SMIM8: variants seen among roughly 807,000 people sequenced by gnomAD.
The protein encoded by SMIM8 is UPF0708 protein C6orf162.
In SMIM8, 8 loss-of-function variants were observed where a neutral mutation model predicts 8.1. That is an observed-to-expected ratio of 0.99 (90% confidence interval 0.58 to 1.78). The LOEUF is 1.78. Ranked by LOEUF, SMIM8 falls within the 40% of genes most tolerant of loss-of-function variation. SMIM8 has a pLI of 0.00. For synonymous variants in SMIM8, 45 were observed against 39.7 expected (o/e 1.13, Z -0.50); for missense variants, 126 against 119.8 (o/e 1.05, Z -0.24).
chr6:87,341,021 A>G lies in SMIM8; in HGVS notation c.*747A>G. On this transcript the variant is annotated 3_prime_UTR_variant, in exon 4 of 4. Transcript: ENST00000392863. ...TGTTATCTATTTTAGTGTTTATGTT[A>G]ATTAATGTTAATTAATTTTGTTTAT... The G allele has an allele frequency of 3.0e-6, 1 of 335,488 alleles. No homozygotes were observed. The highest frequency in any genetic ancestry group is 5.3e-6 in the Non-Finnish European group (1 of 187,814). The allele number at this position is 335,488 out of a possible 1,614,324, so 20.8% of individuals were successfully genotyped here. A position where few individuals can be genotyped will look rare whatever the true frequency, so the allele number is the denominator to read the frequency against.
At position 87,340,161 on chromosome 6, in the gene SMIM8, G is replaced by C. The variant is rs755461432; in HGVS notation, c.181G>C (p.Val61Leu). ...CGGATTGGTAACTCTTTCACTTTGC[G>C]TGGCATATATTGGTTATCTACATGC... Reference protein sequence around the residue: ...AFGLVTLSLCVAYIGYLHAIQ... With the variant: ...AFGLVTLSLCLAYIGYLHAIQ... Residue 61 changes from valine to leucine, a missense_variant, in exon 4 of 4, where the codon GTG becomes CTG. Transcript: ENST00000392863. 1 of 1,603,366 alleles carries C rather than the reference G, an allele frequency of 6.2e-7. No homozygotes were observed. Among genetic ancestry groups the C allele is most frequent in the African/African-American group, 1.3e-5 (1 of 74,082 alleles).
In SMIM8 at chr6:87,328,859, C is replaced by T. The variant is rs184116732; in HGVS notation, c.-44-1833C>T. Among the ~76,000 whole-genome samples, 148 of 152,300 alleles carry T rather than the reference C, an allele frequency of 9.7e-4. 7 individuals are homozygous for T. The East Asian group carries it at 0.022, about 23-fold the overall frequency. ...GGCGCCCCTCCCCCAGCCTCACTGC[C>T]GCCTTGCAGTTTGATCTCAGACTGC... is the stretch of plus-strand genomic sequence containing the variant. On this transcript the variant is annotated intron_variant, in intron 1 of 3. Coordinates refer to ENST00000392863, the MANE Select transcript of SMIM8 (RefSeq NM_001042493.3).
rs1562226489 is a variant in SMIM8 at position 87,341,018 on chromosome 6, G to A, written c.*744G>A. 2 of 318,856 alleles carry A rather than the reference G, an allele frequency of 6.3e-6. No individual in the cohort carries two copies. Among genetic ancestry groups the A allele is most frequent in the African/African-American group, 4.3e-5 (2 of 46,438 alleles). 19.8% of individuals were successfully genotyped at this position (318,856 alleles called of 1,614,324 possible). On this transcript the variant is annotated 3_prime_UTR_variant, in exon 4 of 4. Coordinates refer to ENST00000392863, the MANE Select transcript of SMIM8 (RefSeq NM_001042493.3). The stretch of plus-strand genomic sequence containing the variant: ...AAATGTTATCTATTTTAGTGTTTAT[G>A]TTAATTAATGTTAATTAATTTTGTT...
chr6:87,333,563 A>G (rs1176377757), intron 2 of SMIM8, among the ~76,000 whole-genome samples: 3 of 152,210 alleles, frequency 2.0e-5, no homozygotes, highest in Non-Finnish European at 2.9e-5. Context: ...AGCAGTTCTC[A>G]TTAGAAGAAA....
chr6:87,325,816 G>A lies in SMIM8; in HGVS notation c.-45+3184G>A, dbSNP rs552747470. Among the ~76,000 whole-genome samples, 185 of 152,268 alleles carry A rather than the reference G, an allele frequency of 1.2e-3. 1 individual carries two copies. The highest frequency in any genetic ancestry group is 4.1e-3 in the African/African-American group (172 of 41,556). Reference sequence around the variant, plus strand: ...AGGGAGGATTCCCTCTTTTTCTATTGATTGGAATAGTTTCAGAAGGAATGG... The same window carrying A: ...AGGGAGGATTCCCTCTTTTTCTATTAATTGGAATAGTTTCAGAAGGAATGG... On this transcript the variant is annotated intron_variant, in intron 1 of 3. Coordinates refer to ENST00000392863, the MANE Select transcript of SMIM8 (RefSeq NM_001042493.3).
chr6:87,339,394 T>A (rs1777174054), intron 3 of SMIM8, among the ~76,000 whole-genome samples: 1 of 132,826 alleles, frequency 7.5e-6, no homozygotes. Flanking sequence ...CTTAACCTCT[T>A]AACAACAACA....
Position 87,337,137 on chromosome 6 carries a change from G to C in SMIM8, c.106G>C (p.Ala36Pro), listed in dbSNP as rs541676119. The C allele has an allele frequency of 1.2e-6, 2 of 1,612,638 alleles. No homozygotes were observed. Among genetic ancestry groups the C allele is most frequent in the South Asian group, 2.2e-5 (2 of 90,776 alleles). Residue 36 changes from alanine to proline, a missense_variant, in exon 3 of 4, where the codon GCT (alanine) becomes CCT (proline). By Grantham distance (27) the Ala-to-Pro change is conservative. Coordinates refer to ENST00000392863, the MANE Select transcript of SMIM8 (RefSeq NM_001042493.3). ...GGTGCGCACAACAACCTTATTTCGT[G>C]CTGTGAATCCAGAGCTCTTCATTAA... is the stretch of plus-strand genomic sequence containing the variant. Reference protein sequence around the residue: ...RGVRTTTLFRAVNPELFIKPN... With the variant: ...RGVRTTTLFRPVNPELFIKPN...
At chr6:87,328,516 A>G (rs1173497356) in intron 1 of SMIM8, among the ~76,000 whole-genome samples, 1 of 151,624 alleles carries the variant, frequency 6.6e-6, no homozygotes, top group Admixed American at 6.6e-5. Flanking sequence ...CGGCCGTGTG[A>G]GGTATCAGTC....
intron 3 of SMIM8, among the ~76,000 whole-genome samples, chr6:87,338,744 G>C (rs1319567063): frequency 6.6e-6 from 1 of 152,092 alleles, no homozygotes; most frequent in East Asian, 1.9e-4. Context: ...AGCAGAAACT[G>C]TTATTTATAT....
intron 2 of SMIM8, among the ~76,000 whole-genome samples, chr6:87,334,844 G>A (rs1235058717): frequency 6.6e-6 from 1 of 152,190 alleles, no homozygotes; most frequent in Non-Finnish European, 1.5e-5. Flanking sequence ...CTGAATAGCT[G>A]ATAAAGATTG....
intron 2 of SMIM8, among the ~76,000 whole-genome samples, chr6:87,332,195 TATTTCATATAGGTTGA>T (rs1777008967): frequency 1.3e-5 from 2 of 151,938 alleles, no homozygotes; most frequent in Non-Finnish European, 2.9e-5. Flanking sequence ...TTTACAGACA[TATTTCATATAGGTTGA>T]ATTTCATAAC....
Position 87,337,079 on chromosome 6 carries a change from AG to A in SMIM8, c.49del (p.Glu17ArgfsTer21). Reference sequence around the variant, plus strand: ...CAACATTCAAAAAGGAACCACCCAAAGAGAAAGAGTTTCAAAGCCCAGGGCT... The same window carrying A: ...CAACATTCAAAAAGGAACCACCCAAAAGAAAGAGTTTCAAAGCCCAGGGCT... ...PPTFKKEPPK[E>X]KEFQSPGLRG... On this transcript the variant is annotated frameshift_variant, in exon 3 of 4. Coordinates refer to ENST00000392863, the MANE Select transcript of SMIM8 (RefSeq NM_001042493.3). LOFTEE classifies it high-confidence loss of function. 6.2e-7 allele frequency: 1 copy of A among 1,613,196 alleles called. No individual in the cohort carries two copies. The highest frequency in any genetic ancestry group is 8.5e-7 in the Non-Finnish European group (1 of 1,179,456).
At chr6:87,334,636 GTTC>G (rs767044421) in intron 2 of SMIM8, among the ~76,000 whole-genome samples, 24 of 152,162 alleles carry the variant, frequency 1.6e-4, no homozygotes, top group Non-Finnish European at 2.8e-4. Flanking sequence ...TGAAACAGGT[GTTC>G]TTGTTACCTT....
Position 87,341,478 on chromosome 6 carries a change from C to G in SMIM8, c.*1204C>G. 1 of 392,342 alleles carries G rather than the reference C, an allele frequency of 2.5e-6. No homozygotes were observed. The highest frequency in any genetic ancestry group is 4.5e-6 in the Non-Finnish European group (1 of 222,692). 24.3% of individuals were successfully genotyped at this position (392,342 alleles called of 1,614,324 possible). The stretch of plus-strand genomic sequence containing the variant: ...AATCTTTCTTACAAGGGTTCTGGAC[C>G]CGTTTCATTTCTAGATATATACCTA... On this transcript the variant is annotated 3_prime_UTR_variant, in exon 4 of 4. Transcript: ENST00000392863.
rs1277880205 is a variant in SMIM8, at chr6:87,341,446, G to A, written c.*1172G>A. 1.0e-5 allele frequency: 4 copies of A among 395,132 alleles called. No homozygotes were observed. Among genetic ancestry groups the A allele is most frequent in the Non-Finnish European group, 1.8e-5 (4 of 224,408 alleles). 24.5% of individuals were successfully genotyped at this position (395,132 alleles called of 1,614,324 possible). On this transcript the variant is annotated 3_prime_UTR_variant, in exon 4 of 4. Transcript: ENST00000392863. ...GTGTCTGGCCAGATTCTGCCTTATA[G>A]AATTCAAATCTTTCTTACAAGGGTT...
intron 1 of SMIM8, among the ~76,000 whole-genome samples, 155 bp from the exon 2 acceptor site, chr6:87,330,537 A>G (rs1352232146): frequency 6.6e-6 from 1 of 152,162 alleles, no homozygotes. Flanking sequence ...CTCTCGGTGT[A>G]GGACCATCTG....
intron 1 of SMIM8, among the ~76,000 whole-genome samples, chr6:87,326,859 C>A (rs1776834895): frequency 8.3e-6 from 1 of 120,870 alleles, no homozygotes; most frequent in Non-Finnish European, 1.7e-5. Context: ...CTAATGTTGA[C>A]AGTGGGGTGT....
At position 87,325,035 on chromosome 6, in the gene SMIM8, G is replaced by T. The variant is rs887240868; in HGVS notation, c.-45+2403G>T. On this transcript the variant is annotated intron_variant, in intron 1 of 3. Coordinates refer to ENST00000392863, the MANE Select transcript of SMIM8 (RefSeq NM_001042493.3). ...GTATTTTATTCTCTTTGAAGCAATT[G>T]TGAATGGGAGTTCACTCATGATTTG... Among the ~76,000 whole-genome samples the T allele has an allele frequency of 1.2e-3, 185 of 152,142 alleles. 1 individual carries two copies. Among genetic ancestry groups the T allele is most frequent in the Admixed American group, 2.2e-3 (33 of 15,282 alleles).
intron 1 of SMIM8, 127 bp downstream of exon 1, chr6:87,322,759 G>C (rs954703297): frequency 6.6e-6 from 1 of 152,212 alleles, no homozygotes; most frequent in African/African-American, 2.4e-5. Flanking sequence ...CAGGGAGGGA[G>C]CGTCCTCTCG....
Sources: gnomAD v4.1 joint callset for allele counts (sites outside exome capture counted in the v4.1 genomes callset) on GRCh38, gnomAD v4.1.1 for gene constraint, MANE v1.5 for transcripts, NCBI Gene and HGNC (gene_info 2026-07-23, HGNC 2026-07-21) for gene names.